The following MTPN variants were observed in gnomAD, a reference collection of about 807,000 sequenced individuals.
MTPN encodes granule cell differentiation protein.
In MTPN, 2 loss-of-function variants were observed where a neutral mutation model predicts 13.5. The observed-to-expected ratio is 0.15, with a 90% CI of 0.06 to 0.47. The LOEUF is 0.47. Ranked by LOEUF, MTPN falls within the 20% of genes least tolerant of loss-of-function variation. The pLI is 0.97. For missense variants in MTPN, 79 were observed against 137.9 expected (o/e 0.57, Z 2.14); for synonymous variants, 46 against 51.7 (o/e 0.89, Z 0.48).
chr7:135,974,828 G>A (rs557985459), intron 1 of MTPN, among the ~76,000 whole-genome samples: 1 of 152,152 alleles, frequency 6.6e-6, no homozygotes, highest in Non-Finnish European at 1.5e-5. Flanking sequence ...ACAGCTGTGG[G>A]GCAGAAGAAA....
chr7:135,949,325 C>T (rs1421338212), intron 3 of MTPN, among the ~76,000 whole-genome samples: 1 of 152,104 alleles, frequency 6.6e-6, no homozygotes, highest in African/African-American at 2.4e-5. Context: ...AATCCTTTCG[C>T]AGATCTTGGG....
Position 135,955,387 on chromosome 7 carries a change from G to T in MTPN, c.73-3757C>A, listed in dbSNP as rs112237000. On this transcript the variant is annotated intron_variant, in intron 1 of 3. Transcript: ENST00000393085. The stretch of plus-strand genomic sequence containing the variant: ...TACAACTGATAAGCCTCTAGCAAAC[G>T]TCATCAGGAAAAGAGCGAAGATACA... Among the ~76,000 whole-genome samples the T allele has an allele frequency of 1.2e-4, 19 of 152,222 alleles. No homozygotes were observed. The South Asian group carries it at 1.9e-3, about 15-fold the overall frequency.
chr7:135,972,640 G>A (rs1799713969), intron 1 of MTPN, among the ~76,000 whole-genome samples: 1 of 152,188 alleles, frequency 6.6e-6, no homozygotes, highest in Admixed American at 6.5e-5. Context: ...CCCTCCAGGA[G>A]TTCAGAGCCT....
intron 3 of MTPN, among the ~76,000 whole-genome samples, chr7:135,947,605 G>A (rs1799305434): frequency 6.6e-6 from 1 of 151,980 alleles, no homozygotes; most frequent in Non-Finnish European, 1.5e-5. Flanking sequence ...CTTTTTACCT[G>A]CAGATATGTA....
At chr7:135,971,797 T>G (rs1799697054) in intron 1 of MTPN, among the ~76,000 whole-genome samples, 1 of 152,330 alleles carries the variant, frequency 6.6e-6, no homozygotes, top group East Asian at 1.9e-4. Context: ...AATAGAAATC[T>G]CAATAATTTA....
intron 3 of MTPN, among the ~76,000 whole-genome samples, chr7:135,930,436 T>A (rs1377517051): frequency 6.6e-6 from 1 of 152,218 alleles, no homozygotes; most frequent in Admixed American, 6.5e-5. Context: ...GTAGAGTGCA[T>A]TCAGTATTAT....
rs1584801361 is a variant in MTPN, at chr7:135,926,938, TCCTC to T, written c.*2984_*2987del. ...ATCAAAATGCACAAAGCACTAGTCT[TCCTC>T]CATTACCGCTTAGAAAGATATGATT... On this transcript the variant is annotated 3_prime_UTR_variant, in exon 4 of 4. Coordinates refer to ENST00000393085, the MANE Select transcript of MTPN (RefSeq NM_145808.4). 6.1e-6 allele frequency: 1 copy of T among 164,950 alleles called. No individual in the cohort carries two copies. The highest frequency in any genetic ancestry group is 1.6e-4 in the East Asian group (1 of 6,096). The allele number at this position is 164,950 out of a possible 1,614,324, so 10.2% of individuals were successfully genotyped here.
In MTPN at chr7:135,929,034, A is replaced by G. The variant is rs968893250; in HGVS notation, c.*892T>C. On this transcript the variant is annotated 3_prime_UTR_variant, in exon 4 of 4. Coordinates refer to ENST00000393085, the MANE Select transcript of MTPN (RefSeq NM_145808.4). ...AGGTCAATCCATTCAAACAGCAAAT[A>G]AAGAAAATCCATAGGTACTAAGATA... 6.6e-5 allele frequency: 11 copies of G among 166,822 alleles called. No homozygotes were observed. The highest frequency in any genetic ancestry group is 2.7e-4 in the African/African-American group (11 of 41,214). 10.3% of individuals were successfully genotyped at this position (166,822 alleles called of 1,614,324 possible).
Position 135,977,088 on chromosome 7 carries a change from C to G in MTPN, c.13G>C (p.Glu5Gln), listed in dbSNP as rs1259441024. The change falls in exon 1 of 4, where the codon GAG (glutamate) becomes CAG (glutamine). Residue 5 changes from glutamate (E) to glutamine (Q), a missense_variant. By Grantham distance (29) the Glu-to-Gln change is conservative (BLOSUM62 2). Transcript: ENST00000393085. Reference protein sequence around the residue: MCDKEFMWALKNGDL... With the variant: MCDKQFMWALKNGDL... The stretch of plus-strand genomic sequence containing the variant: ...CCGTTTTTCAGGGCCCACATGAACT[C>G]CTTGTCGCACATCACTGCAGCGGGG... The G allele has an allele frequency of 8.7e-6, 14 of 1,614,102 alleles. 1 individual carries two copies. Among genetic ancestry groups the G allele is most frequent in the South Asian group, 1.1e-5 (1 of 91,088 alleles).
intron 1 of MTPN, among the ~76,000 whole-genome samples, chr7:135,961,007 G>A (rs1799513503): frequency 6.6e-6 from 1 of 151,870 alleles, no homozygotes; most frequent in Non-Finnish European, 1.5e-5. Context: ...CATATAGCAA[G>A]GAAATTAAAA....
intron 1 of MTPN, among the ~76,000 whole-genome samples, chr7:135,968,419 T>C (rs762744143): frequency 3.3e-5 from 5 of 151,482 alleles, no homozygotes; most frequent in Non-Finnish European, 7.4e-5. Context: ...CTCTTTACAC[T>C]GGTAATTTTC....
At chr7:135,944,150 A>T (rs1799253167) in intron 3 of MTPN, among the ~76,000 whole-genome samples, 1 of 152,226 alleles carries the variant, frequency 6.6e-6, no homozygotes, top group Non-Finnish European at 1.5e-5. Flanking sequence ...TCTAAATTAT[A>T]GCAAATATAA....
At chr7:135,965,808 A>G (rs962838152) in intron 1 of MTPN, among the ~76,000 whole-genome samples, 3 of 152,182 alleles carry the variant, frequency 2.0e-5, no homozygotes, top group Non-Finnish European at 4.4e-5. Context: ...ATGAAAGAAC[A>G]TCATTTACAC....
At chr7:135,942,929 G>A (rs764216371) in intron 3 of MTPN, among the ~76,000 whole-genome samples, 5 of 152,178 alleles carry the variant, frequency 3.3e-5, no homozygotes, top group African/African-American at 9.7e-5. Context: ...AACTTACACC[G>A]TGGGCATACT....
At chr7:135,933,277 C>T (rs973258071) in intron 3 of MTPN, among the ~76,000 whole-genome samples, 5 of 152,130 alleles carry the variant, frequency 3.3e-5, no homozygotes, top group Middle Eastern at 3.4e-3. Context: ...TTTTATCTTT[C>T]GACTTCCTGC....
At chr7:135,943,593 C>T (rs2116362197) in intron 3 of MTPN, among the ~76,000 whole-genome samples, 1 of 152,286 alleles carries the variant, frequency 6.6e-6, no homozygotes, top group East Asian at 1.9e-4. Context: ...AACATTTTGA[C>T]TTCCTTTAAA....
chr7:135,931,975 A>G (rs1799028341), intron 3 of MTPN, among the ~76,000 whole-genome samples: 1 of 152,088 alleles, frequency 6.6e-6, no homozygotes. Context: ...TCTTTTACTT[A>G]TTTTAAATTA....
At chr7:135,945,703 T>C (rs890844575) in intron 3 of MTPN, among the ~76,000 whole-genome samples, 4 of 152,094 alleles carry the variant, frequency 2.6e-5, no homozygotes, top group African/African-American at 4.8e-5. Context: ...TTCTTTTACA[T>C]TAACTTTTTT....
intron 3 of MTPN, among the ~76,000 whole-genome samples, chr7:135,933,295 A>T (rs137970294): frequency 1.3e-5 from 2 of 152,092 alleles, no homozygotes; most frequent in Non-Finnish European, 2.9e-5. Context: ...TGCTACATAC[A>T]TAGGCCTTTA....
Sources: gnomAD v4.1 joint callset for allele counts (sites outside exome capture counted in the v4.1 genomes callset) on GRCh38, gnomAD v4.1.1 for gene constraint, MANE v1.5 for transcripts, NCBI Gene and HGNC (gene_info 2026-07-23, HGNC 2026-07-21) for gene names.